Variants in SCAPER observed in about 807,000 individuals in gnomAD.
SCAPER encodes S phase cyclin A-associated protein in the endoplasmic reticulum.
Under a neutral mutation model 182.2 loss-of-function variants are expected in SCAPER, and 98 were observed. The ratio of observed to expected loss-of-function variants is 0.54; its 90% confidence interval spans 0.46 to 0.64. SCAPER has a LOEUF of 0.64. SCAPER is among the 30% of genes least tolerant of loss of function. The pLI is 0.00. For missense variants in SCAPER, 1,432 were observed against 1,690.0 expected (o/e 0.85, Z 2.68); for synonymous variants, 605 against 564.6 (o/e 1.07, Z -1.01).
At chr15:76,708,467 G>GA (rs761809815) in intron 17 of SCAPER, among the ~76,000 whole-genome samples, 15 of 146,022 alleles carry the variant, frequency 1.0e-4, no homozygotes, top group East Asian at 7.9e-4. Context: ...GGTGGGGCAG[G>GA]AAAAAAAAAG....
intron 5 of SCAPER, among the ~76,000 whole-genome samples, chr15:76,816,976 C>A (rs2067138682): frequency 6.6e-6 from 1 of 152,218 alleles, no homozygotes; most frequent in Non-Finnish European, 1.5e-5. Context: ...TTATTATCAT[C>A]ATCATCAAGT....
intron 24 of SCAPER, among the ~76,000 whole-genome samples, chr15:76,491,672 C>T (rs1288531225): frequency 6.6e-6 from 1 of 152,110 alleles, no homozygotes; most frequent in East Asian, 1.9e-4. Flanking sequence ...TGTTCTGTTG[C>T]CCAGGCTGGA....
chr15:76,610,808 T>C lies in SCAPER; in HGVS notation c.2711+10956A>G, dbSNP rs148334578. ...TAAATAAATAGATACCCCATGTTAA[T>C]GGATTGGAATAATATTGTTAAATTG... On this transcript the variant is annotated intron_variant, in intron 22 of 31. Coordinates refer to ENST00000563290, the MANE Select transcript of SCAPER (RefSeq NM_020843.4). Among the ~76,000 whole-genome samples, 195 of 152,316 alleles carry C rather than the reference T, an allele frequency of 1.3e-3. 2 individuals carry two copies. The highest frequency in any genetic ancestry group is 0.012 in the Admixed American group (180 of 15,286).
chr15:76,818,482 G>T (rs1242519359), intron 5 of SCAPER, among the ~76,000 whole-genome samples: 1 of 152,102 alleles, frequency 6.6e-6, no homozygotes, highest in Non-Finnish European at 1.5e-5. Flanking sequence ...CTTCTGCTCT[G>T]CAAAAAACAA....
intron 21 of SCAPER, among the ~76,000 whole-genome samples, chr15:76,652,701 A>G (rs1019628909): frequency 2.7e-5 from 4 of 148,818 alleles, no homozygotes; most frequent in African/African-American, 9.8e-5. Flanking sequence ...ACAGAGGGAG[A>G]TTCTGTCTCA....
At chr15:76,788,919 A>C (rs2064809595) in intron 8 of SCAPER, among the ~76,000 whole-genome samples, 2 of 152,220 alleles carry the variant, frequency 1.3e-5, no homozygotes, top group Non-Finnish European at 2.9e-5. Flanking sequence ...CTCCTACCTC[A>C]GCCTTCTGAG....
intron 24 of SCAPER, among the ~76,000 whole-genome samples, chr15:76,485,093 C>T (rs554742360): frequency 9.2e-5 from 14 of 152,240 alleles, no homozygotes; most frequent in African/African-American, 2.9e-4. Flanking sequence ...CATTCAAATA[C>T]GAAGAGTGGA....
intron 8 of SCAPER, among the ~76,000 whole-genome samples, chr15:76,781,314 C>T (rs777128306): frequency 4.6e-5 from 7 of 151,934 alleles, no homozygotes; most frequent in Middle Eastern, 3.4e-3. Flanking sequence ...ATTAATAAAA[C>T]GAAAGGAGAA....
intron 4 of SCAPER, among the ~76,000 whole-genome samples, chr15:76,845,195 C>A (rs905416604): frequency 2.0e-5 from 3 of 152,054 alleles, no homozygotes; most frequent in African/African-American, 7.2e-5. Context: ...AAACCCTCAA[C>A]TACTGGGCAT....
At chr15:76,468,450 C>T (rs1254246785) in intron 25 of SCAPER, among the ~76,000 whole-genome samples, 1 of 152,046 alleles carries the variant, frequency 6.6e-6, no homozygotes, top group Non-Finnish European at 1.5e-5. Flanking sequence ...TTTCTGAGGT[C>T]AAGAAACCTT....
chr15:76,848,806 A>G (rs868843386), intron 4 of SCAPER, among the ~76,000 whole-genome samples: 3 of 152,280 alleles, frequency 2.0e-5, no homozygotes, highest in African/African-American at 7.2e-5. Context: ...AGCACACCAC[A>G]GCCACCATAC....
intron 24 of SCAPER, among the ~76,000 whole-genome samples, chr15:76,487,751 A>G (rs1158511231): frequency 6.6e-6 from 1 of 152,150 alleles, no homozygotes; most frequent in Non-Finnish European, 1.5e-5. Context: ...ATCTCCTGCA[A>G]TTCTTATTCA....
At chr15:76,545,921 CA>C (rs1156467712) in intron 23 of SCAPER, among the ~76,000 whole-genome samples, 1 of 152,170 alleles carries the variant, frequency 6.6e-6, no homozygotes, top group South Asian at 2.1e-4. Flanking sequence ...AAAAAACAGA[CA>C]TAAAAAAAGA....
At chr15:76,459,562 G>A (rs1408842397) in intron 25 of SCAPER, among the ~76,000 whole-genome samples, 1 of 128,518 alleles carries the variant, frequency 7.8e-6, no homozygotes, top group African/African-American at 3.0e-5. Flanking sequence ...TTTTGCTGTT[G>A]TATACTCTGG....
intron 24 of SCAPER, among the ~76,000 whole-genome samples, chr15:76,484,417 T>C (rs1476547011): frequency 6.6e-6 from 1 of 151,976 alleles, no homozygotes; most frequent in Non-Finnish European, 1.5e-5. Flanking sequence ...CCTGGATACA[T>C]ACACCCTCTC....
At chr15:76,472,524 C>A (rs2050269429) in intron 24 of SCAPER, among the ~76,000 whole-genome samples, 2 of 152,154 alleles carry the variant, frequency 1.3e-5, no homozygotes, top group South Asian at 4.1e-4. Flanking sequence ...TGCCACCATG[C>A]ACGGCTAATT....
At chr15:76,681,112 C>T (rs963814725) in intron 20 of SCAPER, among the ~76,000 whole-genome samples, 2 of 151,828 alleles carry the variant, frequency 1.3e-5, no homozygotes, top group Admixed American at 6.6e-5. Context: ...TATGTATATG[C>T]CAAAATTAAT....
rs1353126048 is a variant in SCAPER, at chr15:76,597,445, A to G, written c.2712-23161T>C. ...CATTGACTTTCTTCACAGAATTAGA[A>G]AAAACTACTTTAAATTTCATATGGA... On this transcript the variant is annotated intron_variant, in intron 22 of 31. Transcript: ENST00000563290. Among the ~76,000 whole-genome samples the G allele has an allele frequency of 1.6e-5, 2 of 121,782 alleles. 1 individual carries two copies. Among genetic ancestry groups the G allele is most frequent in the Non-Finnish European group, 4.0e-5 (2 of 50,066 alleles). 79.9% of individuals were successfully genotyped at this position (121,782 alleles called of 152,430 possible). A position where few individuals can be genotyped will look rare whatever the true frequency, so the allele number is the denominator to read the frequency against.
At chr15:76,444,244 A>C (rs1418536576) in intron 25 of SCAPER, among the ~76,000 whole-genome samples, 3 of 152,120 alleles carry the variant, frequency 2.0e-5, no homozygotes, top group African/African-American at 7.2e-5. Flanking sequence ...AAATCTGTAA[A>C]GGGCCCCATT....
Sources: gnomAD v4.1 joint callset for allele counts (sites outside exome capture counted in the v4.1 genomes callset) on GRCh38, gnomAD v4.1.1 for gene constraint, MANE v1.5 for transcripts, NCBI Gene and HGNC (gene_info 2026-07-23, HGNC 2026-07-21) for gene names.